The following UNC13B variants were observed in gnomAD, a reference collection of about 807,000 sequenced individuals.
UNC13B encodes unc-13 homolog B, also known as protein unc-13 homolog B.
UNC13B carries 144 observed loss-of-function variants against 211.0 expected under a neutral mutation model. The observed-to-expected ratio is 0.68, with a 90% CI of 0.60 to 0.78. The LOEUF (loss-of-function observed/expected upper bound fraction) is 0.78, where lower values mean the gene tolerates loss of function less well. UNC13B is among the 30% of genes least tolerant of loss of function. The pLI, the probability that UNC13B is intolerant of heterozygous loss-of-function variation, is 0.00. For missense variants in UNC13B, 1,777 were observed against 2,002.0 expected (o/e 0.89, Z 2.14); for synonymous variants, 709 against 725.8 (o/e 0.98, Z 0.37).
At chr9:35,250,368 C>A (rs1417355984) in intron 6 of UNC13B, among the ~76,000 whole-genome samples, 1 of 152,176 alleles carries the variant, frequency 6.6e-6, no homozygotes, top group African/African-American at 2.4e-5. Context: ...CACTAATCAA[C>A]CTTCTGTCTC....
At chr9:35,355,316 A>G (rs886756348) in intron 11 of UNC13B, among the ~76,000 whole-genome samples, 1 of 152,172 alleles carries the variant, frequency 6.6e-6, no homozygotes, top group Non-Finnish European at 1.5e-5. Context: ...ATGGAATGGG[A>G]GGGAGATTTT....
intron 7 of UNC13B, among the ~76,000 whole-genome samples, chr9:35,264,949 C>T (rs529196231): frequency 1.1e-4 from 17 of 152,076 alleles, no homozygotes; most frequent in Admixed American, 9.8e-4. Flanking sequence ...TGTCTGGTTT[C>T]GCAGGTTTAT....
In UNC13B at chr9:35,400,184, G is replaced by A. The variant is rs17849225; in HGVS notation, c.12337-112G>A. 1,349 of 1,454,530 alleles carry A rather than the reference G, an allele frequency of 9.3e-4. 2 individuals are homozygous for A. The highest frequency in any genetic ancestry group is 6.1e-3 in the East Asian group (267 of 43,644). 90.1% of individuals were successfully genotyped at this position (1,454,530 alleles called of 1,614,324 possible). ...GAGCCTATGCTCTGGTTCTGTGGGT[G>A]TTCCTGAACAGCCTATTCTCACAGT... is the stretch of plus-strand genomic sequence containing the variant. On this transcript the variant is annotated intron_variant, in intron 36 of 39. Transcript: ENST00000635942.
Position 35,304,695 on chromosome 9 carries a change from G to A in UNC13B, c.5291G>A (p.Ser1764Asn), listed in dbSNP as rs143398767. The A allele has an allele frequency of 1.0e-5, 4 of 398,830 alleles. No homozygotes were observed. The East Asian group carries it at 1.4e-4, about 14-fold the overall frequency. 24.7% of individuals were successfully genotyped at this position (398,830 alleles called of 1,614,324 possible). A position where few individuals can be genotyped will look rare whatever the true frequency, so the allele number is the denominator to read the frequency against. Residue 1764 changes from serine (S) to asparagine (N), a missense_variant, in exon 9 of 40, where the codon AGT becomes AAT. Coordinates refer to ENST00000635942, the MANE Select transcript of UNC13B (RefSeq NM_001371189.2). ...TCTGTTTTGGGTGCCTCAGTTGGTA[G>A]TACTTTGAAGTTTGATAAGAGTGAA... ...VFSVLGASVG[S>N]TLKFDKSESL...
intron 1 of UNC13B, among the ~76,000 whole-genome samples, chr9:35,220,371 A>T (rs1824505321): frequency 6.6e-6 from 1 of 151,286 alleles, no homozygotes; most frequent in Non-Finnish European, 1.5e-5. Context: ...GCTATCACAT[A>T]CTAGATCTTA....
chr9:35,245,024 C>T (rs1826007299), intron 6 of UNC13B, among the ~76,000 whole-genome samples: 1 of 152,180 alleles, frequency 6.6e-6, no homozygotes, highest in Admixed American at 6.5e-5. Context: ...TCCTCTTTCT[C>T]CACTTAGTAA....
intron 1 of UNC13B, among the ~76,000 whole-genome samples, chr9:35,175,485 C>T (rs1821572599): frequency 1.3e-5 from 2 of 151,962 alleles, no homozygotes; most frequent in African/African-American, 4.8e-5. Flanking sequence ...GGGTCTGTAG[C>T]CTAGAGTACA....
intron 9 of UNC13B, among the ~76,000 whole-genome samples, chr9:35,309,826 C>G (rs1394657979): frequency 6.6e-6 from 1 of 152,194 alleles, no homozygotes; most frequent in African/African-American, 2.4e-5. Flanking sequence ...CCAGGGATAT[C>G]ATTGTAGCAT....
At chr9:35,399,881 G>C (rs1836175212) in intron 36 of UNC13B, 152 bp downstream of exon 36, 1 of 814,182 alleles carries the variant, frequency 1.2e-6, no homozygotes, top group Non-Finnish European at 2.0e-6. Context: ...AATCAGATAT[G>C]GTTCCTAAAT....
At chr9:35,322,798 C>T (rs1268587194) in intron 11 of UNC13B, among the ~76,000 whole-genome samples, 1 of 152,034 alleles carries the variant, frequency 6.6e-6, no homozygotes, top group Admixed American at 6.6e-5. Flanking sequence ...TAATCTTAAA[C>T]TCTGGAATTT....
At chr9:35,212,759 A>T (rs1023826727) in intron 1 of UNC13B, among the ~76,000 whole-genome samples, 1 of 152,212 alleles carries the variant, frequency 6.6e-6, no homozygotes, top group African/African-American at 2.4e-5. Flanking sequence ...CCCTTGGGCT[A>T]AAATGGAAAA....
At chr9:35,189,747 G>A (rs1339515486) in intron 1 of UNC13B, among the ~76,000 whole-genome samples, 4 of 152,138 alleles carry the variant, frequency 2.6e-5, no homozygotes, top group Non-Finnish European at 4.4e-5. Flanking sequence ...CCGGCTCACC[G>A]CAACCTCCGC....
chr9:35,195,706 C>T (rs924649490), intron 1 of UNC13B, among the ~76,000 whole-genome samples: 1 of 152,192 alleles, frequency 6.6e-6, no homozygotes, highest in East Asian at 1.9e-4. Flanking sequence ...CCATACTGGC[C>T]CTGAAAAATA....
At chr9:35,195,139 A>G (rs10972378) in intron 1 of UNC13B, among the ~76,000 whole-genome samples, 22,074 of 152,066 alleles carry the variant, frequency 0.15, 1,858 homozygotes, top group Admixed American at 0.25. Context: ...GCTCCTTACT[A>G]TACACATGGC....
In UNC13B at chr9:35,303,652, A is replaced by C. The variant is rs1829792318; in HGVS notation, c.4248A>C (p.Thr1416=). ...DQNANILEWR[T]NPNSVIWCDL... is the part of the protein sequence containing the mutation. ...ATGCAAACATCTTGGAGTGGAGAAC[A>C]AATCCAAACAGTGTCATTTGGTGTG... is the stretch of plus-strand genomic sequence containing the variant. Residue 1416 remains threonine (T), a synonymous_variant, in exon 9 of 40, where the codon ACA becomes ACC. Transcript: ENST00000635942. 5 of 398,684 alleles carry C rather than the reference A, an allele frequency of 1.3e-5. No homozygotes were observed. The highest frequency in any genetic ancestry group is 2.2e-5 in the Non-Finnish European group (5 of 225,862). 24.7% of individuals were successfully genotyped at this position (398,684 alleles called of 1,614,324 possible).
At chr9:35,224,088 C>A (rs1354873780) in intron 1 of UNC13B, among the ~76,000 whole-genome samples, 1 of 152,104 alleles carries the variant, frequency 6.6e-6, no homozygotes, top group Non-Finnish European at 1.5e-5. Flanking sequence ...TAGCATGATA[C>A]CTTCAGCTTT....
chr9:35,374,329 A>C (rs1453805229), intron 13 of UNC13B, among the ~76,000 whole-genome samples: 1 of 120,398 alleles, frequency 8.3e-6, no homozygotes, highest in African/African-American at 3.8e-5. Flanking sequence ...CTCAGACTTA[A>C]CTCTCTGGGC....
chr9:35,341,620 TA>T (rs1354512169), intron 11 of UNC13B, among the ~76,000 whole-genome samples: 2 of 151,452 alleles, frequency 1.3e-5, no homozygotes, highest in Non-Finnish European at 2.9e-5. Flanking sequence ...GAGAGGTGGA[TA>T]GGGGAAAAGA....
rs1355166784 is a variant in UNC13B at position 35,237,698 on chromosome 9, C to T, written c.271-5C>T. The T allele has an allele frequency of 6.2e-7, 1 of 1,610,050 alleles. No individual in the cohort carries two copies. The highest frequency in any genetic ancestry group is 1.1e-5 in the South Asian group (1 of 89,854). On this transcript the variant is annotated splice_region_variant and splice_polypyrimidine_tract_variant and intron_variant, in intron 4 of 39. Transcript: ENST00000635942. The stretch of plus-strand genomic sequence containing the variant: ...AAACTTTAATCTTAGATCTTTGTTT[C>T]CTAGGAAGGGCCTGGGGAATGGTCC...
Sources: gnomAD v4.1 joint callset for allele counts (sites outside exome capture counted in the v4.1 genomes callset) on GRCh38, gnomAD v4.1.1 for gene constraint, MANE v1.5 for transcripts, NCBI Gene and HGNC (gene_info 2026-07-23, HGNC 2026-07-21) for gene names.